ARB2A: variants seen among roughly 807,000 people sequenced by gnomAD.
ARB2A encodes cotranscriptional regulator ARB2A.
chr5:94,023,895 T>C, the ARB2A span, among the ~76,000 whole-genome samples: 2 of 152,178 alleles, frequency 1.3e-5, no homozygotes, highest in Non-Finnish European at 2.9e-5. Context: ...CATAGTGTGC[T>C]GAAATACATA....
the ARB2A span, among the ~76,000 whole-genome samples, chr5:93,764,548 C>T: frequency 4.0e-5 from 6 of 151,510 alleles, no homozygotes; most frequent in Non-Finnish European, 8.9e-5. Flanking sequence ...GAAATTGAGG[C>T]AGTAATAGCC....
the ARB2A span, chr5:93,621,073 A>T: frequency 6.2e-7 from 1 of 1,612,172 alleles, no homozygotes; most frequent in South Asian, 1.1e-5. Context: ...GCTTCGGTAA[A>T]GAATTTGAAA....
At chr5:93,899,267 TA>T in the ARB2A span, among the ~76,000 whole-genome samples, 1 of 152,106 alleles carries the variant, frequency 6.6e-6, no homozygotes, top group Admixed American at 6.6e-5. Context: ...CTCATCTACC[TA>T]CAAACTCTGT....
the ARB2A span, among the ~76,000 whole-genome samples, chr5:93,839,787 T>C: frequency 6.6e-6 from 1 of 152,138 alleles, no homozygotes. Flanking sequence ...TATCCATTTC[T>C]TCCAGGTTTG....
chr5:94,044,183 C>T, the ARB2A span, among the ~76,000 whole-genome samples: 1 of 152,212 alleles, frequency 6.6e-6, no homozygotes, highest in African/African-American at 2.4e-5. Context: ...TAGCACCCCA[C>T]ATCAGCTTGG....
At chr5:94,025,193 T>C in the ARB2A span, among the ~76,000 whole-genome samples, 1 of 152,194 alleles carries the variant, frequency 6.6e-6, no homozygotes, top group Non-Finnish European at 1.5e-5. Context: ...CATAACAAAA[T>C]ACCAGGTACA....
chr5:93,972,543 A>G, the ARB2A span, among the ~76,000 whole-genome samples: 2 of 152,252 alleles, frequency 1.3e-5, no homozygotes, highest in Middle Eastern at 6.8e-3. Context: ...GGCAATAGAA[A>G]AAGCCAGAGT....
the ARB2A span, among the ~76,000 whole-genome samples, chr5:93,855,815 A>G: frequency 1.3e-5 from 2 of 152,182 alleles, no homozygotes; most frequent in Non-Finnish European, 2.9e-5. Context: ...ACCCATCTGT[A>G]CATCACCATC....
chr5:94,049,320 A>G, the ARB2A span, among the ~76,000 whole-genome samples: 1 of 152,194 alleles, frequency 6.6e-6, no homozygotes, highest in African/African-American at 2.4e-5. Flanking sequence ...TCAACTTATT[A>G]GCCAAATATC....
the ARB2A span, among the ~76,000 whole-genome samples, chr5:94,077,901 T>C: frequency 6.6e-6 from 1 of 152,354 alleles, no homozygotes; most frequent in South Asian, 2.1e-4. Context: ...AAAGCAATTA[T>C]CATATCCCTT....
At chr5:93,997,263 C>G in the ARB2A span, among the ~76,000 whole-genome samples, 1 of 151,920 alleles carries the variant, frequency 6.6e-6, no homozygotes, top group Non-Finnish European at 1.5e-5. Context: ...TAAGCTAAAC[C>G]AGGTTTTAGT....
the ARB2A span, among the ~76,000 whole-genome samples, chr5:93,967,899 CAG>C: frequency 5.3e-5 from 8 of 152,038 alleles, no homozygotes; most frequent in African/African-American, 1.9e-4. Context: ...ACCATATCAA[CAG>C]AGTTCCTATA....
the ARB2A span, among the ~76,000 whole-genome samples, chr5:93,889,057 C>T: frequency 2.6e-5 from 4 of 151,406 alleles, no homozygotes; most frequent in African/African-American, 9.7e-5. Context: ...AAATCATATA[C>T]AAATTCCTAA....
chr5:94,018,121 G>A, the ARB2A span, among the ~76,000 whole-genome samples: 8 of 152,028 alleles, frequency 5.3e-5, no homozygotes, highest in East Asian at 1.9e-4. Flanking sequence ...TCCCAGTCTC[G>A]GGTATGTCTT....
At chr5:93,623,360 T>A in the ARB2A span, among the ~76,000 whole-genome samples, 2 of 152,162 alleles carry the variant, frequency 1.3e-5, no homozygotes, top group Non-Finnish European at 2.9e-5. Flanking sequence ...CACCTACTAG[T>A]GTTACTAAGG....
chr5:94,029,644 T>A, the ARB2A span, among the ~76,000 whole-genome samples: 5 of 151,734 alleles, frequency 3.3e-5, no homozygotes, highest in African/African-American at 9.7e-5. Context: ...CTAACTTTGT[T>A]CACTTAGGTA....
chr5:94,085,027 T>TA, the ARB2A span, among the ~76,000 whole-genome samples: 1 of 152,248 alleles, frequency 6.6e-6, no homozygotes, highest in Admixed American at 6.5e-5. Context: ...TACCAAAAGT[T>TA]AAAAAGAATG....
At chr5:93,768,617 G>A in the ARB2A span, among the ~76,000 whole-genome samples, 2 of 151,818 alleles carry the variant, frequency 1.3e-5, no homozygotes, top group African/African-American at 4.8e-5. Flanking sequence ...AGTGGATGGT[G>A]GAGATATATC....
At chr5:93,688,465 C>A in the ARB2A span, among the ~76,000 whole-genome samples, 1 of 152,222 alleles carries the variant, frequency 6.6e-6, no homozygotes, top group Admixed American at 6.5e-5. Flanking sequence ...AATTTATAAT[C>A]ATTCAGGTCT....
Sources: allele counts gnomAD v4.1 joint callset (sites outside exome capture counted in the v4.1 genomes callset), GRCh38; gene constraint gnomAD v4.1.1; transcripts MANE v1.5; gene names NCBI Gene and HGNC (gene_info 2026-07-23, HGNC 2026-07-21).